Variants in DYM observed in about 807,000 individuals in gnomAD.
DYM encodes the protein dymeclin, also known as dyggve-Melchior-Clausen syndrome protein.
In DYM, 78 loss-of-function variants were observed where a neutral mutation model predicts 93.1. The observed-to-expected ratio is 0.84, with a 90% CI of 0.70 to 1.01. DYM has a LOEUF of 1.01. Among genes scored for constraint, DYM ranks in the 50% least tolerant of loss-of-function variants. The pLI is 0.00. For missense variants in DYM, 789 were observed against 845.0 expected (o/e 0.93, Z 0.82); for synonymous variants, 321 against 319.7 (o/e 1.00, Z -0.04).
chr18:49,416,784 T>C (rs2073040071), intron 2 of DYM, among the ~76,000 whole-genome samples: 1 of 152,180 alleles, frequency 6.6e-6, no homozygotes, highest in East Asian at 1.9e-4. Context: ...GAAACAATGT[T>C]TTCTCCAAAT....
chr18:49,351,822 T>C (rs1339854510), intron 6 of DYM, among the ~76,000 whole-genome samples: 1 of 152,146 alleles, frequency 6.6e-6, no homozygotes, highest in Middle Eastern at 3.2e-3. Context: ...GAGAATGTGC[T>C]ACATGAAAAC....
chr18:49,112,491 C>T (rs985645002), intron 16 of DYM, among the ~76,000 whole-genome samples: 5 of 152,036 alleles, frequency 3.3e-5, no homozygotes, highest in Admixed American at 6.6e-5. Flanking sequence ...GTGGGTGGGC[C>T]GATGACCCCT....
chr18:49,086,379 C>A (rs1218718044), intron 17 of DYM, among the ~76,000 whole-genome samples: 1 of 152,160 alleles, frequency 6.6e-6, no homozygotes, highest in African/African-American at 2.4e-5. Context: ...CCCATGATAC[C>A]CATTAATCCA....
chr18:49,163,823 G>C lies in DYM; in HGVS notation c.1626-36C>G, dbSNP rs778532786. ...AAACAAAAAACCAATTATATTAAAG[G>C]AACTGTTTTCTTTTCTGTCTTCTGT... On this transcript the variant is annotated intron_variant, in intron 14 of 17. Transcript: ENST00000675505. The C allele has an allele frequency of 2.2e-6, 3 of 1,349,130 alleles. No homozygotes were observed. In the South Asian group the frequency reaches 3.7e-5, roughly 17 times the overall value. 83.6% of individuals were successfully genotyped at this position (1,349,130 alleles called of 1,614,324 possible).
chr18:49,283,080 T>C (rs2095030694), intron 9 of DYM, among the ~76,000 whole-genome samples: 2 of 152,176 alleles, frequency 1.3e-5, no homozygotes, highest in African/African-American at 2.4e-5. Context: ...CCAAACAACA[T>C]AGTGTAGTCT....
intron 13 of DYM, among the ~76,000 whole-genome samples, chr18:49,252,440 G>A (rs750330567): frequency 2.6e-5 from 4 of 151,878 alleles, no homozygotes; most frequent in Admixed American, 2.0e-4. Context: ...CAGGTCTTTT[G>A]AGACTCACTA....
At chr18:49,119,176 A>G (rs972845162) in intron 15 of DYM, among the ~76,000 whole-genome samples, 1 of 152,222 alleles carries the variant, frequency 6.6e-6, no homozygotes, top group African/African-American at 2.4e-5. Context: ...TTATAGACTT[A>G]CCAATCTAGA....
chr18:49,397,647 T>C (rs2070274219), intron 2 of DYM, among the ~76,000 whole-genome samples: 1 of 152,212 alleles, frequency 6.6e-6, no homozygotes, highest in Admixed American at 6.5e-5. Flanking sequence ...ATTCATACCA[T>C]CAAGATTTTT....
At chr18:49,341,129 C>T (rs1281635311) in intron 6 of DYM, among the ~76,000 whole-genome samples, 2 of 152,098 alleles carry the variant, frequency 1.3e-5, no homozygotes, top group African/African-American at 4.8e-5. Context: ...AATCCTAGAC[C>T]AAATTTCATG....
At chr18:49,358,552 G>A (rs769221399) in intron 6 of DYM, among the ~76,000 whole-genome samples, 83 of 152,002 alleles carry the variant, frequency 5.5e-4, no homozygotes, top group Non-Finnish European at 7.1e-4. Context: ...TATACCTTAC[G>A]AAAAAAACTA....
chr18:49,386,504 C>T (rs2068638897), intron 3 of DYM, among the ~76,000 whole-genome samples: 1 of 152,156 alleles, frequency 6.6e-6, no homozygotes, highest in Non-Finnish European at 1.5e-5. Flanking sequence ...CCTATAACCC[C>T]AGTCTAAGCA....
chr18:49,157,199 T>C (rs1465538719), intron 15 of DYM, among the ~76,000 whole-genome samples: 1 of 152,170 alleles, frequency 6.6e-6, no homozygotes, highest in Non-Finnish European at 1.5e-5. Flanking sequence ...CGGATGTTGC[T>C]GCTCACCTGT....
chr18:49,454,347 G>A (rs1197366181), intron 1 of DYM, among the ~76,000 whole-genome samples: 3 of 152,172 alleles, frequency 2.0e-5, no homozygotes, highest in Admixed American at 2.0e-4. Context: ...AGAGCAGCCT[G>A]CAAGCTGGGA....
intron 8 of DYM, among the ~76,000 whole-genome samples, chr18:49,319,911 C>T (rs981654582): frequency 3.9e-5 from 6 of 152,144 alleles, no homozygotes; most frequent in African/African-American, 1.4e-4. Flanking sequence ...GCACTCTGCT[C>T]TCTCTCCACC....
chr18:49,446,529 C>T (rs1023801273), intron 1 of DYM, among the ~76,000 whole-genome samples: 1 of 152,034 alleles, frequency 6.6e-6, no homozygotes, highest in African/African-American at 2.4e-5. Flanking sequence ...GGTTGAAAAA[C>T]CAAATAAGCC....
chr18:49,305,283 CAT>C (rs1266288316), intron 8 of DYM, among the ~76,000 whole-genome samples: 1 of 152,198 alleles, frequency 6.6e-6, no homozygotes, highest in Non-Finnish European at 1.5e-5. Flanking sequence ...AGGGCAGTTA[CAT>C]ATAGCTGAAG....
At chr18:49,169,789 G>C (rs1019804169) in intron 14 of DYM, among the ~76,000 whole-genome samples, 3 of 152,166 alleles carry the variant, frequency 2.0e-5, no homozygotes, top group Non-Finnish European at 4.4e-5. Flanking sequence ...AATTCTACTT[G>C]TTTTAGAAAG....
intron 16 of DYM, among the ~76,000 whole-genome samples, chr18:49,108,882 C>G (rs373928896): frequency 6.6e-6 from 1 of 152,106 alleles, no homozygotes; most frequent in South Asian, 2.1e-4. Flanking sequence ...TCATGCATTT[C>G]GAAGCTCTGT....
chr18:49,378,441 A>C (rs1215835931), intron 5 of DYM, 126 bp downstream of exon 5: 6 of 909,330 alleles, frequency 6.6e-6, no homozygotes, highest in Non-Finnish European at 1.0e-5. Flanking sequence ...ATGACAGTAT[A>C]AGTTCATTTT....
Sources: allele counts gnomAD v4.1 joint callset (sites outside exome capture counted in the v4.1 genomes callset), GRCh38; gene constraint gnomAD v4.1.1; transcripts MANE v1.5; gene names NCBI Gene and HGNC (gene_info 2026-07-23, HGNC 2026-07-21).